The following ESR2 variants were observed in gnomAD, a reference collection of about 807,000 sequenced individuals.
ESR2 encodes the protein estrogen receptor 2.
Under a neutral mutation model 49.6 loss-of-function variants are expected in ESR2, and 36 were observed. That is an observed-to-expected ratio of 0.73 (90% CI 0.56 to 0.96). The LOEUF (loss-of-function observed/expected upper bound fraction) is 0.96, where lower values mean the gene tolerates loss of function less well. Ranked by LOEUF, ESR2 falls within the 40% of genes least tolerant of loss-of-function variation. The pLI, the probability that ESR2 is intolerant of heterozygous loss-of-function variation, is 0.00. For missense variants in ESR2, 714 were observed against 693.0 expected (o/e 1.03, Z -0.34); for synonymous variants, 320 against 266.1 (o/e 1.20, Z -1.97).
At position 64,240,652 on chromosome 14, in the gene ESR2, C is replaced by T. The variant is rs561455379; in HGVS notation, c.1226-5502G>A. On this transcript the variant is annotated intron_variant, in intron 7 of 8. Transcript: ENST00000341099. ...CCACAACCAAGATAATGAACACACT[C>T]AGCTGCAAGTTTTTGCATTCAGTAG... is the stretch of plus-strand genomic sequence containing the variant. Among the ~76,000 whole-genome samples the T allele has an allele frequency of 2.7e-4, 41 of 152,338 alleles. 1 individual carries two copies. The South Asian group carries it at 3.1e-3, about 12-fold the overall frequency.
chr14:64,306,389 C>G (rs1385102357), intron 1 of ESR2, among the ~76,000 whole-genome samples: 3 of 152,170 alleles, frequency 2.0e-5, no homozygotes, highest in Admixed American at 2.0e-4. Flanking sequence ...TCAGCAGCAA[C>G]ACAAACCTTC....
At chr14:64,241,606 A>G (rs1405271591) in intron 7 of ESR2, among the ~76,000 whole-genome samples, 1 of 152,146 alleles carries the variant, frequency 6.6e-6, no homozygotes, top group Non-Finnish European at 1.5e-5. Flanking sequence ...CTTCAGCTAT[A>G]TTTTGCAGTG....
chr14:64,267,060 T>C (rs1031273901), intron 4 of ESR2, among the ~76,000 whole-genome samples: 1 of 152,138 alleles, frequency 6.6e-6, no homozygotes, highest in South Asian at 2.1e-4. Context: ...TTTGTATTTT[T>C]AGTGGAGACA....
Position 64,231,805 on chromosome 14 carries a change from G to A in ESR2, c.*1332C>T, listed in dbSNP as rs1019402771. Reference sequence around the variant, plus strand: ...CTGTTACTCATTTTACATATTCACCGTGTATCCAAAACTGGAAATTTCACA... The same window carrying A: ...CTGTTACTCATTTTACATATTCACCATGTATCCAAAACTGGAAATTTCACA... On this transcript the variant is annotated 3_prime_UTR_variant, in exon 9 of 9. Coordinates refer to ENST00000341099, the MANE Select transcript of ESR2 (RefSeq NM_001437.3). 2 of 152,096 alleles carry A rather than the reference G, an allele frequency of 1.3e-5. No homozygotes were observed. The highest frequency in any genetic ancestry group is 2.4e-5 in the African/African-American group (1 of 41,388). The allele number at this position is 152,096 out of a possible 1,614,324, so 9.4% of individuals were successfully genotyped here.
chr14:64,329,109 G>T (rs1176699736), intron 1 of ESR2, among the ~76,000 whole-genome samples: 1 of 152,118 alleles, frequency 6.6e-6, no homozygotes, highest in South Asian at 2.1e-4. Context: ...TAAAGGTACT[G>T]GAGAGTGAAC....
chr14:64,259,951 C>T (rs191793384), intron 5 of ESR2, among the ~76,000 whole-genome samples: 4 of 152,230 alleles, frequency 2.6e-5, no homozygotes, highest in East Asian at 3.9e-4. Flanking sequence ...ATTTTAACCA[C>T]GTTCCAGGTT....
chr14:64,228,878 A>G lies in ESR2; in HGVS notation c.*4259T>C, dbSNP rs952517345. On this transcript the variant is annotated 3_prime_UTR_variant, in exon 9 of 9. Coordinates refer to ENST00000341099, the MANE Select transcript of ESR2 (RefSeq NM_001437.3). ...CGATCATACATCACAGACAATGCAC[A>G]TCTTAAGAGCTGCCACTGGAGCCAA... Among the ~76,000 whole-genome samples, 2 of 152,240 alleles carry G rather than the reference A, an allele frequency of 1.3e-5. No individual in the cohort carries two copies. The highest frequency in any genetic ancestry group is 4.8e-5 in the African/African-American group (2 of 41,462).
In ESR2 at chr14:64,229,442, A is replaced by G. The variant is rs889396416; in HGVS notation, c.*3695T>C. Among the ~76,000 whole-genome samples, 1 of 152,136 alleles carries G rather than the reference A, an allele frequency of 6.6e-6. No homozygotes were observed. Among genetic ancestry groups the G allele is most frequent in the Non-Finnish European group, 1.5e-5 (1 of 68,022 alleles). ...TAATTTACACAGATATGAAAGGTGG[A>G]GTTGAACTTTGATGTGAGAGGTTTA... On this transcript the variant is annotated 3_prime_UTR_variant, in exon 9 of 9. Coordinates refer to ENST00000341099, the MANE Select transcript of ESR2 (RefSeq NM_001437.3).
intron 1 of ESR2, among the ~76,000 whole-genome samples, chr14:64,328,051 C>CAAAAAAA (rs748229456): frequency 1.1e-5 from 1 of 87,146 alleles, no homozygotes; most frequent in African/African-American, 4.0e-5. Context: ...ACTAAAAATA[C>CAAAAAAA]AAAAAAAAAA....
At chr14:64,263,435 T>C (rs1179341127) in intron 4 of ESR2, among the ~76,000 whole-genome samples, 1 of 152,094 alleles carries the variant, frequency 6.6e-6, no homozygotes. Context: ...GGTGGGCGGA[T>C]CACCTGAGGT....
At chr14:64,326,461 A>G (rs1285861712) in intron 1 of ESR2, among the ~76,000 whole-genome samples, 1 of 152,170 alleles carries the variant, frequency 6.6e-6, no homozygotes, top group African/African-American at 2.4e-5. Context: ...TATTATTCTA[A>G]TATTAATAAC....
downstream of ESR2, chr14:64,227,814 G>C (rs2098723040): frequency 6.4e-7 from 1 of 1,566,290 alleles, no homozygotes; most frequent in Non-Finnish European, 8.6e-7. Flanking sequence ...TCTTTTATGA[G>C]GTAGTCTGGG....
chr14:64,283,118 C>T, intron 1 of ESR2, 43 bp from the exon 2 acceptor site: 1 of 780,114 alleles, frequency 1.3e-6, no homozygotes, highest in Non-Finnish European at 2.0e-6. Context: ...AGAGCTACAG[C>T]TGTTAACTAT....
chr14:64,234,908 C>T (rs1338079126), intron 8 of ESR2, 62 bp downstream of exon 8: 4 of 1,580,390 alleles, frequency 2.5e-6, no homozygotes, highest in East Asian at 2.3e-5. Context: ...AATCACTTCA[C>T]CCTCCGTGGA....
intron 1 of ESR2, among the ~76,000 whole-genome samples, chr14:64,309,770 G>A (rs1310271134): frequency 6.6e-6 from 1 of 152,034 alleles, no homozygotes; most frequent in East Asian, 1.9e-4. Flanking sequence ...AGGAGTTCGA[G>A]GACAGCTTGA....
Position 64,268,910 on chromosome 14 carries a change from T to C in ESR2, c.537A>G (p.Gly179=), listed in dbSNP as rs752555445. The C allele has an allele frequency of 1.1e-5, 17 of 1,572,306 alleles. No homozygotes were observed. The highest frequency in any genetic ancestry group is 1.5e-5 in the Non-Finnish European group (17 of 1,143,054). ...TAGCTGGACAAATATAATCATTATG[T>C]CCTATAGCAGAGTGGGAGGGAAAAA... is the stretch of plus-strand genomic sequence containing the variant. ...CKAFFKRSIQ[G]HNDYICPATN... The change falls in exon 4 of 9, where the codon GGA becomes GGG. Residue 179 remains glycine, a splice_region_variant and synonymous_variant. Transcript: ENST00000341099.
At chr14:64,244,418 A>C (rs1394593417) in intron 7 of ESR2, among the ~76,000 whole-genome samples, 2 of 151,644 alleles carry the variant, frequency 1.3e-5, no homozygotes, top group South Asian at 2.1e-4. Flanking sequence ...AAAAAAAGAA[A>C]GAACAGTGGA....
intron 1 of ESR2, among the ~76,000 whole-genome samples, chr14:64,322,965 A>G (rs1287917590): frequency 1.3e-5 from 2 of 152,242 alleles, no homozygotes; most frequent in East Asian, 3.8e-4. Context: ...AGGAAGAGCT[A>G]TATCTTTTAA....
chr14:64,253,968 G>A (rs191241817), intron 6 of ESR2, among the ~76,000 whole-genome samples: 4 of 152,184 alleles, frequency 2.6e-5, no homozygotes, highest in South Asian at 2.1e-4. Flanking sequence ...AGACAGTCAG[G>A]TTCTTTAGAT....
Sources: allele counts gnomAD v4.1 joint callset (sites outside exome capture counted in the v4.1 genomes callset), GRCh38; gene constraint gnomAD v4.1.1; transcripts MANE v1.5; gene names NCBI Gene and HGNC (gene_info 2026-07-23, HGNC 2026-07-21).